CDS2: variants seen among roughly 807,000 people sequenced by gnomAD.
The protein encoded by CDS2 is phosphatidate cytidylyltransferase 2.
In CDS2, 47 loss-of-function variants were observed where a neutral mutation model predicts 59.0. The observed-to-expected ratio is 0.80, with a 90% CI of 0.63 to 1.02. The LOEUF (loss-of-function observed/expected upper bound fraction) is 1.02. Among genes scored for constraint, CDS2 ranks in the 50% least tolerant of loss-of-function variants. The probability of loss-of-function intolerance (pLI) is 0.00; values close to 1 mark genes in which losing one functional copy is unlikely to be tolerated. For synonymous variants in CDS2, 207 were observed against 206.4 expected (o/e 1.00, Z -0.02); for missense variants, 356 against 558.9 (o/e 0.64, Z 3.66).
At chr20:5,154,153 A>C (rs1600486000) in intron 1 of CDS2, among the ~76,000 whole-genome samples, 1 of 152,290 alleles carries the variant, frequency 6.6e-6, no homozygotes, top group East Asian at 1.9e-4. Flanking sequence ...TGTCATCTGC[A>C]AGCTTGTCTG....
intron 1 of CDS2, among the ~76,000 whole-genome samples, chr20:5,145,240 C>A (rs1029452032): frequency 2.1e-5 from 2 of 94,466 alleles, no homozygotes; most frequent in Admixed American, 1.2e-4. Context: ...GGAAAGACCC[C>A]CCCCCCCGCC....
intron 12 of CDS2, 35 bp downstream of exon 12, chr20:5,189,873 A>G: frequency 6.5e-7 from 1 of 1,536,110 alleles, no homozygotes; most frequent in Non-Finnish European, 9.0e-7. Context: ...AAGTTGGTGG[A>G]TTTTTAAGTA....
intron 10 of CDS2, among the ~76,000 whole-genome samples, chr20:5,188,687 CTGAGAAGTG>C (rs1568545388): frequency 1.3e-5 from 2 of 152,170 alleles, no homozygotes; most frequent in Non-Finnish European, 2.9e-5. Flanking sequence ...TTTCTGCAGG[CTGAGAAGTG>C]TGAGAAGTGT....
chr20:5,185,055 C>T, intron 8 of CDS2, 110 bp downstream of exon 8: 1 of 799,690 alleles, frequency 1.3e-6, no homozygotes, highest in Non-Finnish European at 2.2e-6. Context: ...TGTATTGTGG[C>T]CATGTCTTCA....
intron 8 of CDS2, 61 bp from the exon 9 acceptor site, chr20:5,185,697 T>C: frequency 7.0e-7 from 1 of 1,431,790 alleles, no homozygotes. Flanking sequence ...CAAGTAATCA[T>C]TGTTCGCAAA....
chr20:5,132,852 C>T (rs987890076), intron 1 of CDS2, among the ~76,000 whole-genome samples: 3 of 152,028 alleles, frequency 2.0e-5, no homozygotes, highest in African/African-American at 7.2e-5. Context: ...TTTGTGTTTG[C>T]CCAGGTTAAC....
intron 1 of CDS2, among the ~76,000 whole-genome samples, chr20:5,149,235 A>G (rs1237067629): frequency 1.3e-5 from 2 of 152,206 alleles, no homozygotes; most frequent in East Asian, 3.9e-4. Context: ...TGGCCGTTTT[A>G]TTTTTTATAT....
chr20:5,147,638 A>G (rs1226420043), intron 1 of CDS2, among the ~76,000 whole-genome samples: 3 of 152,050 alleles, frequency 2.0e-5, no homozygotes, highest in Admixed American at 6.5e-5. Context: ...TCCTGGCCTC[A>G]GGTGATCTAC....
At chr20:5,160,313 T>C (rs913953588) in intron 1 of CDS2, among the ~76,000 whole-genome samples, 2 of 152,182 alleles carry the variant, frequency 1.3e-5, no homozygotes, top group African/African-American at 4.8e-5. Flanking sequence ...GGTTGAACCT[T>C]GTTCAGAATC....
intron 3 of CDS2, chr20:5,176,345 C>G (rs2090995075): frequency 8.1e-6 from 2 of 246,262 alleles, no homozygotes; most frequent in Admixed American, 9.5e-5. Flanking sequence ...TTGCTTGAGC[C>G]CAGGAGTTCA....
At chr20:5,173,341 T>C (rs558485368) in intron 1 of CDS2, among the ~76,000 whole-genome samples, 182 bp from the exon 2 acceptor site, 55 of 152,356 alleles carry the variant, frequency 3.6e-4, no homozygotes, top group African/African-American at 1.3e-3. Flanking sequence ...CTGGCCACCT[T>C]GGCACATGTC....
intron 1 of CDS2, among the ~76,000 whole-genome samples, chr20:5,143,519 C>G (rs921282510): frequency 6.6e-6 from 1 of 152,130 alleles, no homozygotes. Flanking sequence ...GTAGTAGCCC[C>G]AAACTTCAAA....
chr20:5,141,393 T>G (rs992719194), intron 1 of CDS2, among the ~76,000 whole-genome samples: 1 of 152,180 alleles, frequency 6.6e-6, no homozygotes, highest in Non-Finnish European at 1.5e-5. Context: ...AGGACAGGGT[T>G]CAGGGAACTC....
intron 1 of CDS2, among the ~76,000 whole-genome samples, chr20:5,172,924 G>A (rs2090966975): frequency 6.6e-6 from 1 of 152,144 alleles, no homozygotes; most frequent in Non-Finnish European, 1.5e-5. Flanking sequence ...TGGGTCTTTT[G>A]TCACCCAGGG....
At position 5,184,787 on chromosome 20, in the gene CDS2, G is replaced by A; in HGVS notation, c.672-71G>A. On this transcript the variant is annotated intron_variant, in intron 7 of 12. Coordinates refer to ENST00000460006, the MANE Select transcript of CDS2 (RefSeq NM_003818.4). The surrounding 1 kb of genome is among the most constrained non-coding windows in gnomAD (Gnocchi z 4.3). ...GATTTTGGTGCTGGAATTTAAGAAT[G>A]GCACTATTTTGTGTACTTTTGAGGT... The A allele has an allele frequency of 9.1e-7, 1 of 1,101,244 alleles. No individual in the cohort carries two copies. The highest frequency in any genetic ancestry group is 1.7e-5 in the Admixed American group (1 of 57,762). The allele number at this position is 1,101,244 out of a possible 1,614,324, so 68.2% of individuals were successfully genotyped here.
chr20:5,140,109 A>G lies in CDS2; in HGVS notation c.57+12960A>G, dbSNP rs568347935. Among the ~76,000 whole-genome samples, 18 of 152,312 alleles carry G rather than the reference A, an allele frequency of 1.2e-4. No individual in the cohort carries two copies. The South Asian group carries it at 3.3e-3, about 28-fold the overall frequency. The stretch of plus-strand genomic sequence containing the variant: ...GAACCGCTGCACCCGGCCAGCATCA[A>G]TTGAAATGATCATATGGTTTTTGTC... On this transcript the variant is annotated intron_variant, in intron 1 of 12. Coordinates refer to ENST00000460006, the MANE Select transcript of CDS2 (RefSeq NM_003818.4).
chr20:5,182,315 C>A, intron 5 of CDS2, 72 bp from the exon 6 acceptor site: 1 of 1,372,384 alleles, frequency 7.3e-7, no homozygotes, highest in Non-Finnish European at 1.0e-6. Context: ...AACCACTTAA[C>A]ATAGCTAAAG....
At position 5,183,673 on chromosome 20, in the gene CDS2, G is replaced by A. The variant is rs368220257; in HGVS notation, c.671+530G>A. Among the ~76,000 whole-genome samples, 34 of 152,270 alleles carry A rather than the reference G, an allele frequency of 2.2e-4. No homozygotes were observed. The South Asian group carries it at 3.3e-3, about 15-fold the overall frequency. Reference sequence around the variant, plus strand: ...AAAGCCAATGAGGAGAGAGAAGCAGGAATGATAAACCCATTTCTGCTACGA... The same window carrying A: ...AAAGCCAATGAGGAGAGAGAAGCAGAAATGATAAACCCATTTCTGCTACGA... On this transcript the variant is annotated intron_variant, in intron 7 of 12. Transcript: ENST00000460006.
At chr20:5,186,897 T>G (rs1568544657) in intron 10 of CDS2, 58 bp downstream of exon 10, 1 of 1,576,306 alleles carries the variant, frequency 6.3e-7, no homozygotes, top group South Asian at 1.1e-5. Flanking sequence ...CAAAGAGAGA[T>G]CCCCCTCCAT....
Sources: gnomAD v4.1 joint callset for allele counts (sites outside exome capture counted in the v4.1 genomes callset) on GRCh38, gnomAD v4.1.1 for gene constraint, Gnocchi (gnomAD v3.1) non-coding constraint, MANE v1.5 for transcripts, NCBI Gene and HGNC (gene_info 2026-07-23, HGNC 2026-07-21) for gene names.